Variants in DOCK1 observed in about 807,000 individuals in gnomAD.
The protein encoded by DOCK1 is dedicator of cytokinesis 1, also known as dedicator of cytokinesis protein 1.
DOCK1 carries 138 observed loss-of-function variants against 262.7 expected under a neutral mutation model. The ratio of observed to expected loss-of-function variants is 0.53; its 90% CI spans 0.46 to 0.61. The LOEUF (loss-of-function observed/expected upper bound fraction) is 0.61. DOCK1 is among the 20% of genes least tolerant of loss of function. DOCK1 has a pLI of 0.00. For missense variants in DOCK1, 1,908 were observed against 2,370.7 expected (o/e 0.80, Z 4.05); for synonymous variants, 866 against 867.4 (o/e 1.00, Z 0.03).
rs1565026808 is a variant in DOCK1 at position 127,362,896 on chromosome 10, CACATGTACATCTCCACACACACAT to C, written c.3432+686_3432+709del. 2.8e-3 allele frequency among the ~76,000 whole-genome samples: 306 copies of C among 109,846 alleles called. 1 individual carries two copies. The highest frequency in any genetic ancestry group is 5.0e-3 in the Middle Eastern group (1 of 200). The allele number at this position is 109,846 out of a possible 152,430, so 72.1% of individuals were successfully genotyped here. On this transcript the variant is annotated intron_variant, in intron 33 of 51. Coordinates refer to ENST00000623213, the MANE Select transcript of DOCK1 (RefSeq NM_001290223.2). The stretch of plus-strand genomic sequence containing the variant: ...ACACATACACATCCCCACACACACA[CACATGTACATCTCCACACACACAT>C]ATACACATGCACATCCCCCCACACA...
At chr10:127,345,596 CAAG>C (rs1199613620) in intron 31 of DOCK1, among the ~76,000 whole-genome samples, 1 of 152,216 alleles carries the variant, frequency 6.6e-6, no homozygotes, top group Non-Finnish European at 1.5e-5. Flanking sequence ...TGTTCAGAAA[CAAG>C]AAATGCACTT....
chr10:126,925,756 G>A (rs1014780355), intron 1 of DOCK1, among the ~76,000 whole-genome samples: 3 of 150,434 alleles, frequency 2.0e-5, no homozygotes, highest in Non-Finnish European at 4.5e-5. Flanking sequence ...GTGTGTGTGT[G>A]TGTGTGTGTG....
intron 20 of DOCK1, among the ~76,000 whole-genome samples, 167 bp downstream of exon 20, chr10:127,042,881 A>T (rs1591787606): frequency 6.6e-6 from 1 of 152,134 alleles, no homozygotes; most frequent in Admixed American, 6.5e-5. Flanking sequence ...TCTTTTTTTT[A>T]AATGTAAAAC....
In DOCK1 at chr10:127,396,771, A is replaced by G. The variant is rs577849378; in HGVS notation, c.3928-6284A>G. 2.4e-3 allele frequency among the ~76,000 whole-genome samples: 368 copies of G among 151,916 alleles called. 2 individuals are homozygous for G. Among genetic ancestry groups the G allele is most frequent in the African/African-American group, 8.6e-3 (355 of 41,462 alleles). On this transcript the variant is annotated intron_variant, in intron 38 of 51. Coordinates refer to ENST00000623213, the MANE Select transcript of DOCK1 (RefSeq NM_001290223.2). ...CTCTGTTACAAAAAAAAAAAAAAAA[A>G]AATCTTCATTTTTTTATCTAGGGCA...
intron 38 of DOCK1, among the ~76,000 whole-genome samples, chr10:127,389,145 A>ACC (rs1418006929): frequency 2.6e-5 from 4 of 151,956 alleles, no homozygotes; most frequent in African/African-American, 9.7e-5. Flanking sequence ...TGGGCTCCTG[A>ACC]CCCCCGTGAC....
intron 27 of DOCK1, among the ~76,000 whole-genome samples, chr10:127,140,445 G>A (rs575805122): frequency 2.6e-4 from 39 of 152,212 alleles, no homozygotes; most frequent in Admixed American, 5.2e-4. Context: ...CCTGAGGTCC[G>A]CCCCCCAGCC....
intron 22 of DOCK1, among the ~76,000 whole-genome samples, chr10:127,061,303 G>A: frequency 6.6e-6 from 1 of 152,068 alleles, no homozygotes; most frequent in African/African-American, 2.4e-5. Flanking sequence ...TAATTTTTGT[G>A]GGGTAGAAAT....
intron 29 of DOCK1, among the ~76,000 whole-genome samples, chr10:127,272,719 G>C (rs1330664069): frequency 1.3e-5 from 2 of 152,128 alleles, no homozygotes; most frequent in African/African-American, 4.8e-5. Flanking sequence ...CTTGAGACTG[G>C]GCAATTTACA....
At chr10:127,448,958 C>A (rs899578734) in intron 51 of DOCK1, among the ~76,000 whole-genome samples, 1 of 151,940 alleles carries the variant, frequency 6.6e-6, no homozygotes, top group Admixed American at 6.6e-5. Flanking sequence ...GTACAGCATA[C>A]GTATTTCATC....
intron 27 of DOCK1, chr10:127,137,723 G>C: frequency 3.2e-6 from 3 of 935,146 alleles, no homozygotes; most frequent in Non-Finnish European, 4.8e-6. Flanking sequence ...GCGAGAAGTG[G>C]GAGGTGCCTG....
chr10:126,937,189 A>G (rs1316791693), intron 1 of DOCK1, among the ~76,000 whole-genome samples: 4 of 152,324 alleles, frequency 2.6e-5, no homozygotes, highest in African/African-American at 7.2e-5. Context: ...AAGGCTGAAT[A>G]ATATTCCATT....
In DOCK1 at chr10:127,292,349, C is replaced by A. The variant is rs527405558; in HGVS notation, c.3044+34920C>A. ...TAAGACCTTAGTGACTCAGGCAGCC[C>A]TGCTACTGGTTGGGAGCGCTCTCCA... On this transcript the variant is annotated intron_variant, in intron 29 of 51. Transcript: ENST00000623213. Among the ~76,000 whole-genome samples the A allele has an allele frequency of 3.3e-4, 51 of 152,258 alleles. No individual in the cohort carries two copies. The South Asian group carries it at 8.1e-3, about 24-fold the overall frequency.
At chr10:127,393,243 A>G (rs1456608265) in intron 38 of DOCK1, among the ~76,000 whole-genome samples, 2 of 152,136 alleles carry the variant, frequency 1.3e-5, no homozygotes, top group African/African-American at 4.8e-5. Flanking sequence ...GAGACCAGTG[A>G]TTACCGGGGC....
intron 24 of DOCK1, among the ~76,000 whole-genome samples, chr10:127,109,823 C>T (rs546176997): frequency 3.3e-5 from 5 of 151,712 alleles, no homozygotes; most frequent in African/African-American, 1.2e-4. Context: ...CACTTGGATT[C>T]ATGGACAAAT....
intron 35 of DOCK1, among the ~76,000 whole-genome samples, chr10:127,374,946 C>T (rs1261962119): frequency 6.6e-6 from 1 of 152,216 alleles, no homozygotes; most frequent in Non-Finnish European, 1.5e-5. Flanking sequence ...AGAAACATAT[C>T]TGTTGTTTTA....
At chr10:126,982,455 A>C (rs1565029210) in intron 4 of DOCK1, among the ~76,000 whole-genome samples, 1 of 151,768 alleles carries the variant, frequency 6.6e-6, no homozygotes, top group Non-Finnish European at 1.5e-5. Context: ...CTGATGTATA[A>C]GATCATTAAA....
At position 127,194,621 on chromosome 10, in the gene DOCK1, G is replaced by A. The variant is rs1045038165; in HGVS notation, c.2848-53387G>A. On this transcript the variant is annotated intron_variant, in intron 27 of 51. Coordinates refer to ENST00000623213, the MANE Select transcript of DOCK1 (RefSeq NM_001290223.2). The stretch of plus-strand genomic sequence containing the variant: ...TGGGAATGGCCCGGGTCTTGTGAGT[G>A]GTATTTTTTCATCAAGTACCCAGCC... Among the ~76,000 whole-genome samples the A allele has an allele frequency of 4.6e-5, 7 of 152,252 alleles. 1 individual carries two copies. The East Asian group carries it at 7.7e-4, about 17-fold the overall frequency.
At chr10:127,179,641 G>T (rs1454824911) in intron 27 of DOCK1, among the ~76,000 whole-genome samples, 1 of 152,110 alleles carries the variant, frequency 6.6e-6, no homozygotes, top group Non-Finnish European at 1.5e-5. Flanking sequence ...CTTTATTGGG[G>T]GTGGAGGGTA....
At chr10:127,128,628 A>G (rs149354585) in intron 27 of DOCK1, among the ~76,000 whole-genome samples, 6 of 152,230 alleles carry the variant, frequency 3.9e-5, no homozygotes, top group African/African-American at 1.2e-4. Flanking sequence ...CTTATGAGTG[A>G]GAACATGTGG....
Sources: gnomAD v4.1 joint callset for allele counts (sites outside exome capture counted in the v4.1 genomes callset) on GRCh38, gnomAD v4.1.1 for gene constraint, MANE v1.5 for transcripts, NCBI Gene and HGNC (gene_info 2026-07-23, HGNC 2026-07-21) for gene names.